Variants in PHACTR4 observed in about 807,000 individuals in gnomAD.
PHACTR4 encodes the protein protein phosphatase 1, regulatory subunit 124.
PHACTR4 carries 51 observed loss-of-function variants against 72.7 expected under a neutral mutation model. The ratio of observed to expected loss-of-function variants is 0.70; its 90% CI spans 0.56 to 0.89. PHACTR4 has a LOEUF of 0.89. Among genes scored for constraint, PHACTR4 ranks in the 40% least tolerant of loss-of-function variants. PHACTR4 has a pLI of 0.00. For synonymous variants in PHACTR4, 255 were observed against 302.5 expected, an observed-to-expected ratio of 0.84 and a Z score of 1.63; for missense variants, 731 against 861.8, an observed-to-expected ratio of 0.85 and a Z score of 1.90.
intron 2 of PHACTR4, chr1:28,457,296 G>C: frequency 2.2e-6 from 1 of 447,916 alleles, no homozygotes; most frequent in Non-Finnish European, 4.5e-6. Flanking sequence ...AAAATACCTA[G>C]TTTTAAAAGA....
chr1:28,476,039 C>A, intron 7 of PHACTR4, 68 bp from the exon 8 acceptor site: 1 of 1,454,684 alleles, frequency 6.9e-7, no homozygotes, highest in Non-Finnish European at 9.2e-7. Context: ...TTATTTCAGT[C>A]CTTTGTCTTA....
intron 1 of PHACTR4, among the ~76,000 whole-genome samples, chr1:28,379,140 C>G (rs959406212): frequency 6.6e-6 from 1 of 151,920 alleles, no homozygotes; most frequent in Non-Finnish European, 1.5e-5. Context: ...TTTTTTGTAG[C>G]GATGGGATTT....
chr1:28,435,727 C>T (rs914310619), intron 2 of PHACTR4, among the ~76,000 whole-genome samples: 1 of 152,170 alleles, frequency 6.6e-6, no homozygotes, highest in African/African-American at 2.4e-5. Flanking sequence ...TGTGTTAGTT[C>T]CATGATGATG....
chr1:28,470,117 C>T (rs1659469767), intron 6 of PHACTR4, among the ~76,000 whole-genome samples: 1 of 150,406 alleles, frequency 6.6e-6, no homozygotes, highest in Non-Finnish European at 1.5e-5. Flanking sequence ...TTAGGCCAGG[C>T]ACAGTGGCTC....
At chr1:28,468,936 C>A (rs1037169771) in intron 6 of PHACTR4, among the ~76,000 whole-genome samples, 2 of 152,136 alleles carry the variant, frequency 1.3e-5, no homozygotes, top group African/African-American at 4.8e-5. Context: ...GTGTATGATA[C>A]CCTGGACTAA....
intron 2 of PHACTR4, among the ~76,000 whole-genome samples, chr1:28,440,480 C>T (rs536387755): frequency 5.6e-5 from 7 of 124,060 alleles, no homozygotes; most frequent in African/African-American, 2.3e-4. Context: ...ACTGAAAGCT[C>T]CGCCTCCCGG....
chr1:28,470,776 C>T (rs1659509343), intron 6 of PHACTR4, among the ~76,000 whole-genome samples: 1 of 152,036 alleles, frequency 6.6e-6, no homozygotes, highest in Non-Finnish European at 1.5e-5. Flanking sequence ...ATAATCCCAG[C>T]ACTTTGGGAG....
chr1:28,410,331 T>C lies in PHACTR4; in HGVS notation c.16+2868T>C, dbSNP rs550213465. 4.9e-3 allele frequency among the ~76,000 whole-genome samples: 747 copies of C among 152,292 alleles called. 9 individuals are homozygous for C. The highest frequency in any genetic ancestry group is 7.7e-3 in the Non-Finnish European group (524 of 68,020). The stretch of plus-strand genomic sequence containing the variant: ...CTTGAAGAATTTGGTAAACTGAGTT[T>C]TATTATAGTAGTCTGGTGACAAATT... On this transcript the variant is annotated intron_variant, in intron 2 of 13. Coordinates refer to ENST00000373839, the MANE Select transcript of PHACTR4 (RefSeq NM_001048183.3).
chr1:28,433,550 C>T (rs1656426683), intron 2 of PHACTR4, among the ~76,000 whole-genome samples: 1 of 148,762 alleles, frequency 6.7e-6, no homozygotes. Context: ...CTCTGCCTCC[C>T]AGGTTCAAGC....
chr1:28,378,339 TAA>T (rs564072221), intron 1 of PHACTR4, among the ~76,000 whole-genome samples: 1 of 134,976 alleles, frequency 7.4e-6, no homozygotes, highest in African/African-American at 2.7e-5. Flanking sequence ...CCGTCTCTAC[TAA>T]AAAAAAAAAA....
At chr1:28,450,842 G>A (rs1657894133) in intron 2 of PHACTR4, among the ~76,000 whole-genome samples, 1 of 151,576 alleles carries the variant, frequency 6.6e-6, no homozygotes, top group Admixed American at 6.6e-5. Context: ...AGGGAGTCTT[G>A]CTCTGTGGCC....
chr1:28,462,136 G>A (rs1179026716), intron 4 of PHACTR4, among the ~76,000 whole-genome samples: 1 of 151,136 alleles, frequency 6.6e-6, no homozygotes, highest in Non-Finnish European at 1.5e-5. Flanking sequence ...GCCTCCCGAG[G>A]AGCTGTGATT....
At chr1:28,441,869 G>A (rs1360222725) in intron 2 of PHACTR4, among the ~76,000 whole-genome samples, 1 of 152,110 alleles carries the variant, frequency 6.6e-6, no homozygotes, top group Non-Finnish European at 1.5e-5. Context: ...GTACTTATCT[G>A]TAGTCCCAGC....
At chr1:28,448,888 C>T (rs1657721870) in intron 2 of PHACTR4, among the ~76,000 whole-genome samples, 1 of 149,080 alleles carries the variant, frequency 6.7e-6, no homozygotes, top group Non-Finnish European at 1.5e-5. Flanking sequence ...GGGGACAAGG[C>T]ATGGTAGCTC....
At chr1:28,392,200 C>T (rs1223555048) in intron 1 of PHACTR4, among the ~76,000 whole-genome samples, 2 of 152,056 alleles carry the variant, frequency 1.3e-5, no homozygotes, top group East Asian at 1.9e-4. Context: ...CTCTTGCCGT[C>T]CTGCGTATGT....
intron 8 of PHACTR4, among the ~76,000 whole-genome samples, chr1:28,477,565 C>G (rs1404570941): frequency 6.6e-6 from 1 of 152,100 alleles, no homozygotes; most frequent in African/African-American, 2.4e-5. Context: ...GGTAATTAGG[C>G]TATCCATCTC....
chr1:28,473,361 A>G (rs181257950), intron 6 of PHACTR4, among the ~76,000 whole-genome samples, 193 bp from the exon 7 acceptor site: 5 of 152,174 alleles, frequency 3.3e-5, no homozygotes, highest in African/African-American at 1.2e-4. Flanking sequence ...ACCTCTGTAC[A>G]TTTATTAAGC....
chr1:28,459,330 A>G lies in PHACTR4; in HGVS notation c.190+72A>G, dbSNP rs2124467961. 2.2e-6 allele frequency: 3 copies of G among 1,358,368 alleles called. No individual in the cohort carries two copies. The East Asian group carries it at 7.1e-5, about 32-fold the overall frequency. 84.1% of individuals were successfully genotyped at this position (1,358,368 alleles called of 1,614,324 possible). A position where few individuals can be genotyped will look rare whatever the true frequency, so the allele number is the denominator to read the frequency against. On this transcript the variant is annotated intron_variant, in intron 3 of 13. Transcript: ENST00000373839. ...TGTTAGATGTATTTAATTTTTCCTT[A>G]TCTTCCCAAGTTTCTGTAGTCCTCT...
At chr1:28,477,633 T>G (rs1397317561) in intron 8 of PHACTR4, among the ~76,000 whole-genome samples, 1 of 152,166 alleles carries the variant, frequency 6.6e-6, no homozygotes, top group East Asian at 1.9e-4. Flanking sequence ...CTGGTTATCT[T>G]GAAATATACA....
Sources: allele counts gnomAD v4.1 joint callset (sites outside exome capture counted in the v4.1 genomes callset), GRCh38; gene constraint gnomAD v4.1.1; transcripts MANE v1.5; gene names NCBI Gene and HGNC (gene_info 2026-07-23, HGNC 2026-07-21).